The following AOX1 variants were observed in gnomAD, a reference collection of about 807,000 sequenced individuals.
The protein encoded by AOX1 is aldehyde oxidase.
A neutral mutation model predicts 169.5 loss-of-function variants in AOX1; 153 were observed. That is an observed-to-expected ratio of 0.90 (90% CI 0.79 to 1.03). AOX1 has a LOEUF of 1.03. AOX1 is among the 50% of genes least tolerant of loss of function. AOX1 has a pLI of 0.00. For synonymous variants in AOX1, 562 were observed against 581.9 expected, an observed-to-expected ratio of 0.97 and a Z score of 0.49; for missense variants, 1,656 against 1,663.9, an observed-to-expected ratio of 1.00 and a Z score of 0.08.
intron 32 of AOX1, among the ~76,000 whole-genome samples, 180 bp from the exon 33 acceptor site, chr2:200,668,413 TTGAACTTCTTTTAACTTAATGC>T (rs2035963739): frequency 6.6e-6 from 1 of 152,162 alleles, no homozygotes; most frequent in African/African-American, 2.4e-5. Flanking sequence ...CCGGCTGACT[TTGAACTTCTTTTAACTTAATGC>T]TGAACAAACA....
intron 20 of AOX1, among the ~76,000 whole-genome samples, chr2:200,631,816 A>G (rs769685741): frequency 2.6e-5 from 4 of 152,238 alleles, no homozygotes; most frequent in Non-Finnish European, 4.4e-5. Flanking sequence ...AGGCAGAATC[A>G]ATAATACTGC....
chr2:200,662,831 A>G, intron 30 of AOX1, 24 bp from the exon 31 acceptor site: 1 of 1,596,894 alleles, frequency 6.3e-7, no homozygotes, highest in Non-Finnish European at 8.6e-7. Flanking sequence ...GTGATCACTT[A>G]ACAACACTCA....
At position 200,612,596 on chromosome 2, in the gene AOX1, C is replaced by T; in HGVS notation, c.1264-13C>T. Reference sequence around the variant, plus strand: ...CAGTGTTTCTACATGTGCCACTTAACTGTTTCTTTCAGTGGGAATTTGTGT... The same window carrying T: ...CAGTGTTTCTACATGTGCCACTTAATTGTTTCTTTCAGTGGGAATTTGTGT... On this transcript the variant is annotated splice_polypyrimidine_tract_variant and intron_variant, in intron 13 of 34. Coordinates refer to ENST00000374700, the MANE Select transcript of AOX1 (RefSeq NM_001159.4). 6.2e-7 allele frequency: 1 copy of T among 1,611,944 alleles called. No individual in the cohort carries two copies. Among genetic ancestry groups the T allele is most frequent in the East Asian group, 2.2e-5 (1 of 44,878 alleles).
intron 1 of AOX1, among the ~76,000 whole-genome samples, chr2:200,588,736 T>C (rs902809838): frequency 3.7e-5 from 5 of 136,832 alleles, no homozygotes; most frequent in African/African-American, 1.3e-4. Flanking sequence ...CTTTTTTTTT[T>C]TTTTTTTTTT....
downstream of AOX1, among the ~76,000 whole-genome samples, chr2:200,679,663 C>T (rs551504491): frequency 3.3e-5 from 5 of 152,034 alleles, no homozygotes; most frequent in Admixed American, 2.6e-4. Context: ...GACGCCCCCC[C>T]CCGAGTCTGT....
At chr2:200,586,372 C>A (rs190011639) in intron 1 of AOX1, among the ~76,000 whole-genome samples, 1 of 152,334 alleles carries the variant, frequency 6.6e-6, no homozygotes, top group Admixed American at 6.5e-5. Context: ...ATCTTTGGGC[C>A]CCCACCTTCC....
chr2:200,675,400 A>G (rs2036081591), downstream of AOX1, among the ~76,000 whole-genome samples: 1 of 152,240 alleles, frequency 6.6e-6, no homozygotes, highest in African/African-American at 2.4e-5. Flanking sequence ...AAACTAGAGA[A>G]ATGCCTACTA....
chr2:200,668,870 AT>A (rs2035974436), intron 33 of AOX1, 67 bp downstream of exon 33: 15 of 1,377,658 alleles, frequency 1.1e-5, no homozygotes, highest in Non-Finnish European at 1.5e-5. Context: ...GGAAGGCTAC[AT>A]TCCTCTCTTG....
In AOX1 at chr2:200,651,155, T is replaced by TC. The variant is rs1247858463; in HGVS notation, c.3034dup (p.Leu1012ProfsTer24). 2.5e-6 allele frequency: 4 copies of TC among 1,614,138 alleles called. No individual in the cohort carries two copies. The East Asian group carries it at 8.9e-5, about 36-fold the overall frequency. ...TGGAAGAAGAAAGGACTGGCCATGG[T>TC]CCCCCTGAAGTTTCCTGTTGGCCTT... On this transcript the variant is annotated frameshift_variant, in exon 26 of 35. Coordinates refer to ENST00000374700, the MANE Select transcript of AOX1 (RefSeq NM_001159.4). LOFTEE classifies it high-confidence loss of function.
chr2:200,677,103 C>T (rs185804409), downstream of AOX1: 19 of 366,666 alleles, frequency 5.2e-5, 1 homozygote, highest in East Asian at 7.9e-4. Context: ...TTTGCCAAGA[C>T]GATCCTAGGT....
Position 200,613,027 on chromosome 2 carries a change from T to TGTGTGTGAGAGA in AOX1, c.1448+235_1448+236insTGTGTGAGAGAG, listed in dbSNP as rs112472592. ...GCGTGTGTGTGTGTGTGTGTGTGTG[T>TGTGTGTGAGAGA]GAGAGAGAGAGAGAGAGACAGACAG... On this transcript the variant is annotated intron_variant, in intron 14 of 34. Coordinates refer to ENST00000374700, the MANE Select transcript of AOX1 (RefSeq NM_001159.4). Among the ~76,000 whole-genome samples, 835 of 146,196 alleles carry TGTGTGTGAGAGA rather than the reference T, an allele frequency of 5.7e-3. 8 individuals are homozygous for TGTGTGTGAGAGA. Among genetic ancestry groups the TGTGTGTGAGAGA allele is most frequent in the African/African-American group, 0.018 (716 of 39,182 alleles).
At chr2:200,627,581 C>T (rs776382681) in intron 20 of AOX1, 132 bp downstream of exon 20, 5 of 639,632 alleles carry the variant, frequency 7.8e-6, no homozygotes, top group Non-Finnish European at 1.4e-5. Context: ...AGAACAGGCA[C>T]CTCATTCACA....
chr2:200,614,313 A>T (rs548299557), intron 15 of AOX1, among the ~76,000 whole-genome samples: 52 of 152,136 alleles, frequency 3.4e-4, no homozygotes, highest in Non-Finnish European at 6.8e-4. Context: ...CTTCACGTTG[A>T]GGTTGACTTC....
Position 200,638,412 on chromosome 2 carries a change from C to A in AOX1, c.2568+110C>A. 3.4e-6 allele frequency: 3 copies of A among 888,400 alleles called. No homozygotes were observed. In the Admixed American group the frequency reaches 6.5e-5, roughly 19 times the overall value. 55.0% of individuals were successfully genotyped at this position (888,400 alleles called of 1,614,324 possible). On this transcript the variant is annotated intron_variant, in intron 23 of 34. Coordinates refer to ENST00000374700, the MANE Select transcript of AOX1 (RefSeq NM_001159.4). ...TAGTGGGGAGTAACAATGAGCAAAT[C>A]AAAAACAGAGCATCTATTTAACTTT...
intron 20 of AOX1, among the ~76,000 whole-genome samples, chr2:200,633,436 T>C (rs1020653521): frequency 6.6e-6 from 1 of 152,166 alleles, no homozygotes; most frequent in Admixed American, 6.5e-5. Flanking sequence ...TCTATTGTTC[T>C]ATATTCTTGT....
intron 29 of AOX1, among the ~76,000 whole-genome samples, chr2:200,660,415 G>C (rs1293333394): frequency 4.6e-5 from 7 of 152,116 alleles, no homozygotes; most frequent in South Asian, 2.1e-4. Flanking sequence ...GGGTTCTGCT[G>C]TTCCTAAAAT....
intron 1 of AOX1, among the ~76,000 whole-genome samples, chr2:200,589,048 A>G (rs976163862): frequency 5.3e-5 from 8 of 152,096 alleles, no homozygotes; most frequent in Non-Finnish European, 1.5e-5. Context: ...GTCAAACACA[A>G]TCTCTGGAAT....
At chr2:200,604,225 A>C in intron 8 of AOX1, 128 bp downstream of exon 8, 2 of 707,236 alleles carry the variant, frequency 2.8e-6, no homozygotes, top group Non-Finnish European at 4.9e-6. Context: ...TCCTTAGCTC[A>C]AGGTCTAAAG....
chr2:200,616,419 C>A (rs2034759853), intron 16 of AOX1, among the ~76,000 whole-genome samples: 1 of 152,242 alleles, frequency 6.6e-6, no homozygotes, highest in Non-Finnish European at 1.5e-5. Flanking sequence ...GCGGCAAGGC[C>A]ATGGGCTGCT....
Sources: allele counts gnomAD v4.1 joint callset (sites outside exome capture counted in the v4.1 genomes callset), GRCh38; gene constraint gnomAD v4.1.1; transcripts MANE v1.5; gene names NCBI Gene and HGNC (gene_info 2026-07-23, HGNC 2026-07-21).